GRM5: variants seen among roughly 807,000 people sequenced by gnomAD.
GRM5 encodes glutamate metabotropic receptor 5, also known as metabotropic glutamate receptor 5.
A neutral mutation model predicts 83.1 loss-of-function variants in GRM5; 19 were observed. The ratio of observed to expected loss-of-function variants is 0.23; its 90% CI spans 0.16 to 0.34. The LOEUF (loss-of-function observed/expected upper bound fraction) is 0.34, where lower values mean the gene tolerates loss of function less well. GRM5 is among the 10% of genes least tolerant of loss of function. The pLI, the probability that GRM5 is intolerant of heterozygous loss-of-function variation, is 1.00. For synonymous variants in GRM5, 675 were observed against 633.6 expected, an observed-to-expected ratio of 1.07 and a Z score of -0.98; for missense variants, 1,160 against 1,588.3, an observed-to-expected ratio of 0.73 and a Z score of 4.58.
chr11:88,746,082 T>C (rs1238614134), intron 3 of GRM5, among the ~76,000 whole-genome samples: 1 of 152,132 alleles, frequency 6.6e-6, no homozygotes, highest in Admixed American at 6.6e-5. Context: ...CCCCCTTTGG[T>C]TCCAACCTTT....
rs201338353 is a variant in GRM5, at chr11:88,509,081, G to A, written c.3150C>T (p.Ser1050=). The change falls in exon 10 of 10, where the codon AGC becomes AGT. Residue 1050 remains serine (S), a synonymous_variant. Coordinates refer to ENST00000305447, the MANE Select transcript of GRM5 (RefSeq NM_001143831.3). The stretch of plus-strand genomic sequence containing the variant: ...CCATGAGGGAGCCCTGCGAGGAGCT[G>A]CTGCGCGCCACAGGCTCCGAGTGCA... The part of the protein sequence containing the change: ...PSLHSEPVAR[S]SSSQGSLMEQ... The A allele has an allele frequency of 5.0e-5, 78 of 1,551,056 alleles. No homozygotes were observed. The South Asian group carries it at 7.1e-4, about 14-fold the overall frequency.
intron 3 of GRM5, among the ~76,000 whole-genome samples, chr11:88,663,801 A>G (rs1939967253): frequency 6.6e-6 from 1 of 152,180 alleles, no homozygotes; most frequent in African/African-American, 2.4e-5. Context: ...AGCCTCTGAG[A>G]GCACAATCAA....
At chr11:88,967,783 G>A (rs1459644137) in intron 2 of GRM5, among the ~76,000 whole-genome samples, 1 of 152,108 alleles carries the variant, frequency 6.6e-6, no homozygotes, top group East Asian at 1.9e-4. Flanking sequence ...TGAGTGATGA[G>A]AGTATGGGCC....
intron 3 of GRM5, among the ~76,000 whole-genome samples, chr11:88,799,801 G>C (rs1943354777): frequency 6.6e-6 from 1 of 152,078 alleles, no homozygotes; most frequent in Non-Finnish European, 1.5e-5. Context: ...TTCACCTACA[G>C]AAATGAAAAT....
At chr11:88,880,617 A>C (rs913200857) in intron 2 of GRM5, among the ~76,000 whole-genome samples, 4 of 152,180 alleles carry the variant, frequency 2.6e-5, no homozygotes, top group African/African-American at 9.6e-5. Flanking sequence ...ACTTGGTAGG[A>C]GGTCTCCTGA....
At chr11:88,892,104 A>G (rs1945154951) in intron 2 of GRM5, among the ~76,000 whole-genome samples, 1 of 151,134 alleles carries the variant, frequency 6.6e-6, no homozygotes, top group African/African-American at 2.4e-5. Context: ...ACCATCTGTG[A>G]GTAACCTTAA....
chr11:88,859,917 C>T (rs1944533454), intron 2 of GRM5, among the ~76,000 whole-genome samples: 1 of 152,078 alleles, frequency 6.6e-6, no homozygotes, highest in Non-Finnish European at 1.5e-5. Context: ...AATCTCAGAG[C>T]CTTTCTACAA....
intron 3 of GRM5, among the ~76,000 whole-genome samples, chr11:88,655,234 A>T (rs1281792912): frequency 6.6e-6 from 1 of 151,998 alleles, no homozygotes; most frequent in South Asian, 2.1e-4. Context: ...GCTCCAGAAG[A>T]TTTTATTTAA....
chr11:89,006,100 A>G (rs1940516387), intron 2 of GRM5, among the ~76,000 whole-genome samples: 3 of 152,204 alleles, frequency 2.0e-5, no homozygotes, highest in Non-Finnish European at 1.5e-5. Context: ...TATAACATGT[A>G]AAAAGCACAG....
At chr11:88,635,359 C>A (rs1412851928) in intron 4 of GRM5, among the ~76,000 whole-genome samples, 3 of 152,128 alleles carry the variant, frequency 2.0e-5, no homozygotes, top group Admixed American at 1.3e-4. Flanking sequence ...TTGATAGTAG[C>A]CATTCTAACA....
chr11:88,566,753 C>T (rs895246558), intron 8 of GRM5, among the ~76,000 whole-genome samples: 1 of 152,090 alleles, frequency 6.6e-6, no homozygotes, highest in Non-Finnish European at 1.5e-5. Context: ...CTTGAGGGTC[C>T]TTGCCTTGGC....
chr11:88,858,389 G>C (rs2135548483), intron 2 of GRM5, among the ~76,000 whole-genome samples: 1 of 152,070 alleles, frequency 6.6e-6, no homozygotes, highest in Middle Eastern at 3.4e-3. Flanking sequence ...ATACTAACCA[G>C]GGCTACTGAA....
chr11:88,671,090 A>G (rs1272124503), intron 3 of GRM5, among the ~76,000 whole-genome samples: 1 of 151,866 alleles, frequency 6.6e-6, no homozygotes, highest in African/African-American at 2.4e-5. Context: ...AAATCCAAAG[A>G]GCATCAGCTT....
In GRM5 at chr11:88,567,442, A is replaced by G. The variant is rs1591353960; in HGVS notation, c.2241T>C (p.Asn747=). 6.2e-7 allele frequency: 1 copy of G among 1,614,136 alleles called. No individual in the cohort carries two copies. Among genetic ancestry groups the G allele is most frequent in the Non-Finnish European group, 8.5e-7 (1 of 1,179,968 alleles). The change falls in exon 8 of 10, where the codon AAT becomes AAC. Residue 747 remains asparagine, a synonymous_variant. Transcript: ENST00000305447. This position sits in a 1 kb window ranked among gnomAD's most constrained non-coding sequence, Gnocchi z 7.3. ...NLGVVTPLGY[N]GLLILSCTFY... ...AGGTGCAGCTCAAAATCAACAATCC[A>G]TTGTATCCAAGTGGAGTGACAACTC...
chr11:88,611,468 A>G (rs1405646780), intron 4 of GRM5, among the ~76,000 whole-genome samples: 1 of 152,064 alleles, frequency 6.6e-6, no homozygotes, highest in Non-Finnish European at 1.5e-5. Flanking sequence ...TCAGAAATTT[A>G]CCTATTTCTC....
intron 3 of GRM5, among the ~76,000 whole-genome samples, chr11:88,722,239 T>C (rs1181521935): frequency 6.6e-6 from 1 of 152,136 alleles, no homozygotes; most frequent in Non-Finnish European, 1.5e-5. Context: ...AATTATACTG[T>C]TAAACCACTC....
At chr11:88,778,687 T>C (rs1409072018) in intron 3 of GRM5, among the ~76,000 whole-genome samples, 2 of 152,216 alleles carry the variant, frequency 1.3e-5, no homozygotes, top group Admixed American at 6.5e-5. Context: ...TTAGACAACA[T>C]TGGTCTAGTC....
chr11:89,065,319 G>A (rs1432135086), intron 1 of GRM5, among the ~76,000 whole-genome samples: 8 of 147,712 alleles, frequency 5.4e-5, no homozygotes, highest in Non-Finnish European at 1.2e-4. Context: ...CACAGACAGA[G>A]GGAGAGAGAG....
chr11:88,653,486 T>C, intron 3 of GRM5, 83 bp from the exon 4 acceptor site: 3 of 883,332 alleles, frequency 3.4e-6, no homozygotes, highest in South Asian at 1.5e-5. Flanking sequence ...TTGACAAGAT[T>C]AGTCATTAAA....
Sources: gnomAD v4.1 joint callset for allele counts (sites outside exome capture counted in the v4.1 genomes callset) on GRCh38, gnomAD v4.1.1 for gene constraint, Gnocchi (gnomAD v3.1) non-coding constraint, MANE v1.5 for transcripts, NCBI Gene and HGNC (gene_info 2026-07-23, HGNC 2026-07-21) for gene names.